KCNQ1: variants seen among roughly 807,000 people sequenced by gnomAD.
The protein encoded by KCNQ1 is potassium voltage-gated channel subfamily Q member 1.
In KCNQ1, 49 loss-of-function variants were observed where a neutral mutation model predicts 72.4. That is an observed-to-expected ratio of 0.68 (90% confidence interval 0.54 to 0.86). KCNQ1 has a LOEUF of 0.86. Ranked by LOEUF, KCNQ1 falls within the 40% of genes least tolerant of loss-of-function variation. KCNQ1 has a pLI of 0.00. For missense variants in KCNQ1, 790 were observed against 945.1 expected, an observed-to-expected ratio of 0.84 and a Z score of 2.15; for synonymous variants, 450 against 412.6, an observed-to-expected ratio of 1.09 and a Z score of -1.10.
Position 2,761,279 on chromosome 11 carries a change from T to TGGTGCCTGTC in KCNQ1, c.1515-7560_1515-7551dup, listed in dbSNP as rs1219287768. Among the ~76,000 whole-genome samples, 4 of 110,968 alleles carry TGGTGCCTGTC rather than the reference T, an allele frequency of 3.6e-5. No homozygotes were observed. In the East Asian group the frequency reaches 6.3e-4, roughly 18 times the overall value. The allele number at this position is 110,968 out of a possible 152,430, so 72.8% of individuals were successfully genotyped here. On this transcript the variant is annotated intron_variant, in intron 11 of 15. Transcript: ENST00000155840. ...GGTCTGCCGGCCTGTCGGTGCCTGTTGGTGCCTGTCGGTGTGCTCCTACGC... is the reference window on the plus strand; with the variant it reads ...GGTCTGCCGGCCTGTCGGTGCCTGTTGGTGCCTGTCGGTGCCTGTCGGTGTGCTCCTACGC...
rs1321019776 is a variant in KCNQ1 at position 2,451,577 on chromosome 11, C to T, written c.386+6093C>T. Among the ~76,000 whole-genome samples, 2 of 152,188 alleles carry T rather than the reference C, an allele frequency of 1.3e-5. No individual in the cohort carries two copies. Among genetic ancestry groups the T allele is most frequent in the Non-Finnish European group, 2.9e-5 (2 of 68,030 alleles). ...GGGTGGATGGACCAGCAGAAAGGCT[C>T]CCAGGAGGGTCGTGGCTCCCTCATC... is the stretch of plus-strand genomic sequence containing the variant. On this transcript the variant is annotated intron_variant, in intron 1 of 15. Coordinates refer to ENST00000155840, the MANE Select transcript of KCNQ1 (RefSeq NM_000218.3). This position sits in a 1 kb window ranked among gnomAD's most constrained non-coding sequence, Gnocchi z 6.4.
intron 15 of KCNQ1, among the ~76,000 whole-genome samples, chr11:2,836,162 A>C (rs772757978): frequency 7.9e-5 from 12 of 152,178 alleles, no homozygotes; most frequent in Non-Finnish European, 1.3e-4. Flanking sequence ...GCCAAGTGTC[A>C]CCAAGGCATT....
In KCNQ1 at chr11:2,809,616, T is replaced by C. The variant is rs1232885921; in HGVS notation, c.1794+31579T>C. ...CCAGTTGGACTCATCTCCTGACTGG[T>C]TGGGTTTCTGCCTCGGTCGCTGACT... On this transcript the variant is annotated intron_variant, in intron 15 of 15. Coordinates refer to ENST00000155840, the MANE Select transcript of KCNQ1 (RefSeq NM_000218.3). The surrounding 1 kb of genome is among the most constrained non-coding windows in gnomAD (Gnocchi z 7.1). Among the ~76,000 whole-genome samples the C allele has an allele frequency of 1.3e-5, 2 of 152,194 alleles. No individual in the cohort carries two copies. The highest frequency in any genetic ancestry group is 2.9e-5 in the Non-Finnish European group (2 of 68,028).
chr11:2,511,311 G>T (rs1432808222), intron 1 of KCNQ1, among the ~76,000 whole-genome samples: 1 of 152,178 alleles, frequency 6.6e-6, no homozygotes, highest in Non-Finnish European at 1.5e-5. Context: ...GTTGCCACTG[G>T]AGGGCTTCCT....
intron 15 of KCNQ1, among the ~76,000 whole-genome samples, chr11:2,800,807 G>C (rs1010862188): frequency 6.6e-6 from 1 of 152,214 alleles, no homozygotes; most frequent in Non-Finnish European, 1.5e-5. Flanking sequence ...TGTCCACTCA[G>C]TGACCATCTG....
rs1383350591 is a variant in KCNQ1, at chr11:2,710,760, T to C, written c.1514+48679T>C. On this transcript the variant is annotated intron_variant, in intron 11 of 15. Transcript: ENST00000155840. This position sits in a 1 kb window ranked among gnomAD's most constrained non-coding sequence, Gnocchi z 4.1. Reference sequence around the variant, plus strand: ...TTCTTTCCTCAGTGAAGGATGTTGATACCCTTGTCAAAAATCAGTTGACAG... The same window carrying C: ...TTCTTTCCTCAGTGAAGGATGTTGACACCCTTGTCAAAAATCAGTTGACAG... Among the ~76,000 whole-genome samples the C allele has an allele frequency of 6.6e-6, 1 of 152,222 alleles. No homozygotes were observed. The highest frequency in any genetic ancestry group is 1.5e-5 in the Non-Finnish European group (1 of 68,028).
intron 10 of KCNQ1, chr11:2,629,582 A>G: frequency 2.5e-6 from 1 of 398,480 alleles, no homozygotes; most frequent in Non-Finnish European, 4.4e-6. Flanking sequence ...ATTTGTTGAA[A>G]AGAGAATCCA....
At chr11:2,684,040 C>A in intron 11 of KCNQ1, 1 of 398,562 alleles carries the variant, frequency 2.5e-6, no homozygotes, top group East Asian at 3.6e-5. Context: ...TTCATCCTCC[C>A]CCTTTATCAA....
rs2133867853 is a variant in KCNQ1, at chr11:2,670,644, G to A, written c.1514+8563G>A. On this transcript the variant is annotated intron_variant, in intron 11 of 15. Transcript: ENST00000155840. This position sits in a 1 kb window ranked among gnomAD's most constrained non-coding sequence, Gnocchi z 4.9. ...CCTGGATATGCATGGCAGAGGCCAG[G>A]ATGAACCCTGAAGATTGGTAGGAAG... The A allele has an allele frequency of 2.5e-6, 1 of 398,634 alleles. No homozygotes were observed. The highest frequency in any genetic ancestry group is 3.6e-5 in the East Asian group (1 of 28,082). 24.7% of individuals were successfully genotyped at this position (398,634 alleles called of 1,614,324 possible). A position where few individuals can be genotyped will look rare whatever the true frequency, so the allele number is the denominator to read the frequency against.
At chr11:2,842,782 G>A (rs1045038342) in intron 15 of KCNQ1, among the ~76,000 whole-genome samples, 5 of 152,190 alleles carry the variant, frequency 3.3e-5, no homozygotes, top group Admixed American at 2.0e-4. Context: ...TAATGATCAT[G>A]GCCATCGGGT....
Position 2,674,341 on chromosome 11 carries a change from A to T in KCNQ1, c.1514+12260A>T, listed in dbSNP as rs1850248567. On this transcript the variant is annotated intron_variant, in intron 11 of 15. Transcript: ENST00000155840. The surrounding 1 kb of genome is among the most constrained non-coding windows in gnomAD (Gnocchi z 5.9). The stretch of plus-strand genomic sequence containing the variant: ...CCAAGGACACCCTCTGGAAATCTGA[A>T]TTCCATTCGCTCTTGGCAAAGAGCA... The T allele has an allele frequency of 2.6e-6, 1 of 387,440 alleles. No individual in the cohort carries two copies. The highest frequency in any genetic ancestry group is 4.5e-5 in the Admixed American group (1 of 22,336). The allele number at this position is 387,440 out of a possible 1,614,324, so 24.0% of individuals were successfully genotyped here.
Position 2,777,818 on chromosome 11 carries a change from T to G in KCNQ1, c.1733-158T>G. The G allele has an allele frequency of 5.9e-6, 4 of 676,210 alleles. No individual in the cohort carries two copies. In the South Asian group the frequency reaches 6.7e-5, roughly 11 times the overall value. The allele number at this position is 676,210 out of a possible 1,614,324, so 41.9% of individuals were successfully genotyped here. A position where few individuals can be genotyped will look rare whatever the true frequency, so the allele number is the denominator to read the frequency against. Reference sequence around the variant, plus strand: ...CCGGCCACCGTACCACCCCTGGTATTTTTGTCATAGCATGCTTTTTAAAAA... The same window carrying G: ...CCGGCCACCGTACCACCCCTGGTATGTTTGTCATAGCATGCTTTTTAAAAA... On this transcript the variant is annotated intron_variant, in intron 14 of 15. Transcript: ENST00000155840.
rs1847415798 is a variant in KCNQ1, at chr11:2,808,101, A to G, written c.1794+30064A>G. ...CGGCTGCTTCCCGCCCCTCTCATGG[A>G]CACCACTGTGGGCACCACTTGGGCA... is the stretch of plus-strand genomic sequence containing the variant. On this transcript the variant is annotated intron_variant, in intron 15 of 15. Transcript: ENST00000155840. The surrounding 1 kb of genome is among the most constrained non-coding windows in gnomAD (Gnocchi z 6.0). Among the ~76,000 whole-genome samples, 1 of 152,170 alleles carries G rather than the reference A, an allele frequency of 6.6e-6. No individual in the cohort carries two copies. Among genetic ancestry groups the G allele is most frequent in the East Asian group, 1.9e-4 (1 of 5,176 alleles).
chr11:2,702,804 A>T (rs545739817), intron 11 of KCNQ1, among the ~76,000 whole-genome samples: 1 of 152,050 alleles, frequency 6.6e-6, no homozygotes, highest in African/African-American at 2.4e-5. Context: ...GGAGCCTGTC[A>T]CTATTGTTTG....
In KCNQ1 at chr11:2,766,904, C is replaced by A. The variant is rs886084645; in HGVS notation, c.1515-1940C>A. ...CTTCAAATATTTTCTTTGGGCCGGG[C>A]ATGGTGGCTCATGCCTGTAATCCCA... On this transcript the variant is annotated intron_variant, in intron 11 of 15. Transcript: ENST00000155840. The surrounding 1 kb of genome is among the most constrained non-coding windows in gnomAD (Gnocchi z 4.4). 8.5e-5 allele frequency among the ~76,000 whole-genome samples: 13 copies of A among 152,210 alleles called. No individual in the cohort carries two copies. The highest frequency in any genetic ancestry group is 2.9e-4 in the African/African-American group (12 of 41,454).
rs1846589758 is a variant in KCNQ1, at chr11:2,477,542, A to G, written c.386+32058A>G. 6.6e-6 allele frequency among the ~76,000 whole-genome samples: 1 copy of G among 152,134 alleles called. No homozygotes were observed. Among genetic ancestry groups the G allele is most frequent in the Non-Finnish European group, 1.5e-5 (1 of 68,024 alleles). The stretch of plus-strand genomic sequence containing the variant: ...AGAAAACTACAGACCAGTGATATGT[A>G]CACAGAGAGCAATGAAAATCCTCAT... On this transcript the variant is annotated intron_variant, in intron 1 of 15. Transcript: ENST00000155840. This position sits in a 1 kb window ranked among gnomAD's most constrained non-coding sequence, Gnocchi z 5.0.
intron 2 of KCNQ1, among the ~76,000 whole-genome samples, chr11:2,528,418 G>T (rs930886730): frequency 6.6e-6 from 1 of 152,232 alleles, no homozygotes; most frequent in African/African-American, 2.4e-5. Context: ...GGCCCTGCTG[G>T]TGTCCCAGCA....
In KCNQ1 at chr11:2,565,810, A is replaced by G. The variant is rs1277183399; in HGVS notation, c.478-4818A>G. Among the ~76,000 whole-genome samples, 1 of 152,192 alleles carries G rather than the reference A, an allele frequency of 6.6e-6. No individual in the cohort carries two copies. Among genetic ancestry groups the G allele is most frequent in the African/African-American group, 2.4e-5 (1 of 41,446 alleles). On this transcript the variant is annotated intron_variant, in intron 2 of 15. Transcript: ENST00000155840. This position sits in a 1 kb window ranked among gnomAD's most constrained non-coding sequence, Gnocchi z 5.6. ...TCTGTTGTTTCTGCGAAGGTGTCTC[A>G]GGGAGGGGCAGAACCCATGGGGTTT...
At chr11:2,840,240 A>G (rs1848179800) in intron 15 of KCNQ1, 1 of 152,656 alleles carries the variant, frequency 6.6e-6, no homozygotes, top group Non-Finnish European at 1.5e-5. Context: ...CATCCTCGTC[A>G]TCTTCACGTT....
Sources: allele counts gnomAD v4.1 joint callset (sites outside exome capture counted in the v4.1 genomes callset), GRCh38; gene constraint gnomAD v4.1.1; non-coding constraint Gnocchi (gnomAD v3.1); transcripts MANE v1.5; gene names NCBI Gene and HGNC (gene_info 2026-07-23, HGNC 2026-07-21).